PAX5: variants seen among roughly 807,000 people sequenced by gnomAD.
The protein encoded by PAX5 is paired box protein Pax-5.
In PAX5, 9 loss-of-function variants were observed where a neutral mutation model predicts 43.7. The ratio of observed to expected loss-of-function variants is 0.21; its 90% CI spans 0.12 to 0.36. The LOEUF (loss-of-function observed/expected upper bound fraction) is 0.36. Ranked by LOEUF, PAX5 falls within the 10% of genes least tolerant of loss-of-function variation. The pLI is 1.00. For synonymous variants in PAX5, 228 were observed against 214.3 expected (o/e 1.06, Z -0.56); for missense variants, 383 against 532.7 (o/e 0.72, Z 2.77).
At position 36,973,398 on chromosome 9, in the gene PAX5, G is replaced by C. The variant is rs1835142845; in HGVS notation, c.605-6674C>G. Among the ~76,000 whole-genome samples the C allele has an allele frequency of 2.0e-5, 3 of 152,164 alleles. No homozygotes were observed. The South Asian group carries it at 6.2e-4, about 32-fold the overall frequency. ...TGGTCATCTGCCACAGGAGTACAGA[G>C]CTGGGGTGACTGGCAAGATGAAATG... On this transcript the variant is annotated intron_variant, in intron 5 of 9. Transcript: ENST00000358127.
intron 7 of PAX5, among the ~76,000 whole-genome samples, chr9:36,889,481 T>C (rs760964205): frequency 6.6e-6 from 1 of 152,232 alleles, no homozygotes; most frequent in Non-Finnish European, 1.5e-5. Flanking sequence ...GTGAACCCTA[T>C]TGTTATCCCC....
chr9:36,969,158 C>A (rs1834707885), intron 5 of PAX5, among the ~76,000 whole-genome samples: 1 of 150,520 alleles, frequency 6.6e-6, no homozygotes, highest in Non-Finnish European at 1.5e-5. Flanking sequence ...CCAGCCGGGC[C>A]CAAAACTCAG....
Position 36,836,544 on chromosome 9 carries a change from A to G in PAX5, c.*4016T>C. 4.3e-6 allele frequency: 1 copy of G among 233,054 alleles called. No homozygotes were observed. The highest frequency in any genetic ancestry group is 8.5e-6 in the Non-Finnish European group (1 of 117,938). 14.4% of individuals were successfully genotyped at this position (233,054 alleles called of 1,614,324 possible). A position where few individuals can be genotyped will look rare whatever the true frequency, so the allele number is the denominator to read the frequency against. On this transcript the variant is annotated 3_prime_UTR_variant, in exon 10 of 10. Transcript: ENST00000358127. ...TTACAAGTTTTCATACTTGAATGCC[A>G]CTCAGGGGGGCAGGCACACTTCTGG...
chr9:36,925,460 T>C (rs1329721311), intron 6 of PAX5, among the ~76,000 whole-genome samples: 1 of 152,012 alleles, frequency 6.6e-6, no homozygotes, highest in Non-Finnish European at 1.5e-5. Flanking sequence ...GGTAGATAAA[T>C]AGGCCAATGA....
At chr9:36,875,692 G>C (rs896870323) in intron 8 of PAX5, among the ~76,000 whole-genome samples, 1 of 152,168 alleles carries the variant, frequency 6.6e-6, no homozygotes, top group Non-Finnish European at 1.5e-5. Flanking sequence ...GGGTCCAAGG[G>C]AAACACAGAG....
chr9:36,942,461 C>T (rs1832128413), intron 6 of PAX5, among the ~76,000 whole-genome samples: 1 of 152,112 alleles, frequency 6.6e-6, no homozygotes, highest in African/African-American at 2.4e-5. Flanking sequence ...CAAACAAGGC[C>T]ACAGATGTGA....
At chr9:36,984,280 G>A (rs1836186951) in intron 5 of PAX5, among the ~76,000 whole-genome samples, 3 of 152,114 alleles carry the variant, frequency 2.0e-5, no homozygotes, top group Admixed American at 6.5e-5. Context: ...GGGGTGAGGT[G>A]TAGGGCAAGG....
At chr9:36,929,277 GGA>G (rs1830933733) in intron 6 of PAX5, among the ~76,000 whole-genome samples, 2 of 149,998 alleles carry the variant, frequency 1.3e-5, no homozygotes, top group African/African-American at 5.0e-5. Context: ...AAGGAAGGAA[GGA>G]AGGAAGGAAG....
chr9:37,000,982 C>A (rs183440335), intron 5 of PAX5, among the ~76,000 whole-genome samples: 1 of 152,236 alleles, frequency 6.6e-6, no homozygotes, highest in East Asian at 1.9e-4. Flanking sequence ...GATCCCTCTT[C>A]GCCCAGGACA....
At chr9:36,944,910 G>A (rs1243387837) in intron 6 of PAX5, among the ~76,000 whole-genome samples, 1 of 152,210 alleles carries the variant, frequency 6.6e-6, no homozygotes, top group Non-Finnish European at 1.5e-5. Context: ...TGTGCCTATG[G>A]TTAAACACAG....
At chr9:36,845,403 A>G (rs1157959846) in intron 9 of PAX5, among the ~76,000 whole-genome samples, 2 of 152,236 alleles carry the variant, frequency 1.3e-5, no homozygotes, top group Non-Finnish European at 2.9e-5. Flanking sequence ...TTAAGAAAAA[A>G]ACATTAGGTA....
rs751897248 is a variant in PAX5, at chr9:37,011,557, A to C, written c.410+3440T>G. Among the ~76,000 whole-genome samples the C allele has an allele frequency of 2.4e-4, 36 of 152,214 alleles. 1 individual carries two copies. The highest frequency in any genetic ancestry group is 2.4e-3 in the Admixed American group (36 of 15,282). ...GGATGGCCACCTCCAATGGACACTC[A>C]GACTGGATCCAGCGATCCCTGCAGG... On this transcript the variant is annotated intron_variant, in intron 3 of 9. Transcript: ENST00000358127.
intron 6 of PAX5, among the ~76,000 whole-genome samples, chr9:36,929,469 A>G (rs974792921): frequency 1.3e-5 from 2 of 152,180 alleles, no homozygotes; most frequent in Non-Finnish European, 2.9e-5. Context: ...TGGTGCACCT[A>G]CATACTTGGG....
chr9:36,979,575 G>A (rs1835737288), intron 5 of PAX5, among the ~76,000 whole-genome samples: 1 of 152,156 alleles, frequency 6.6e-6, no homozygotes. Flanking sequence ...GATAATCTCA[G>A]GAGATGGGCA....
At chr9:36,895,598 C>T (rs938428442) in intron 7 of PAX5, among the ~76,000 whole-genome samples, 1 of 152,180 alleles carries the variant, frequency 6.6e-6, no homozygotes, top group African/African-American at 2.4e-5. Context: ...ATGTAAAGCA[C>T]TTAGGAAGCC....
chr9:36,927,812 G>A (rs1283167878), intron 6 of PAX5, among the ~76,000 whole-genome samples: 1 of 151,812 alleles, frequency 6.6e-6, no homozygotes, highest in Non-Finnish European at 1.5e-5. Flanking sequence ...GGGTTCAAGC[G>A]ATTCTCCTGC....
rs776398662 is a variant in PAX5, at chr9:37,006,494, G to T, written c.454C>A (p.Pro152Thr). 6.8e-6 allele frequency: 11 copies of T among 1,613,906 alleles called. No individual in the cohort carries two copies. The highest frequency in any genetic ancestry group is 9.3e-6 in the Non-Finnish European group (11 of 1,179,930). Residue 152 changes from proline (P) to threonine (T), a missense_variant, in exon 4 of 10, where the codon CCA (proline) becomes ACA (threonine). Physicochemically the swap from Pro to Thr is conservative, Grantham distance 38. Coordinates refer to ENST00000358127, the MANE Select transcript of PAX5 (RefSeq NM_016734.3). ...TTACCTATGCTGTGACTGGAAGCTG[G>T]GACTGGTTGGTTGGGTGGCTGCTGT... ...KVQQPPNQPV[P>T]ASSHSIVSTG...
intron 8 of PAX5, among the ~76,000 whole-genome samples, chr9:36,852,640 C>T (rs1042015337): frequency 2.0e-5 from 3 of 152,250 alleles, no homozygotes; most frequent in African/African-American, 7.2e-5. Context: ...TGGCTTCCCA[C>T]TGGGCATCTC....
At chr9:36,868,262 G>A (rs1462933279) in intron 8 of PAX5, among the ~76,000 whole-genome samples, 1 of 152,256 alleles carries the variant, frequency 6.6e-6, no homozygotes, top group Non-Finnish European at 1.5e-5. Context: ...GGCAAGATGG[G>A]GAGGGGCATG....
Sources: allele counts gnomAD v4.1 joint callset (sites outside exome capture counted in the v4.1 genomes callset), GRCh38; gene constraint gnomAD v4.1.1; transcripts MANE v1.5; gene names NCBI Gene and HGNC (gene_info 2026-07-23, HGNC 2026-07-21).